Variants in TTLL8 observed in about 807,000 individuals in gnomAD.
The protein encoded by TTLL8 is protein monoglycylase TTLL8.
TTLL8 carries 65 observed loss-of-function variants against 77.8 expected under a neutral mutation model. The ratio of observed to expected loss-of-function variants is 0.84; its 90% CI spans 0.68 to 1.03. The LOEUF is 1.03. Ranked by LOEUF, TTLL8 falls within the 50% of genes least tolerant of loss-of-function variation. The pLI, the probability that TTLL8 is intolerant of heterozygous loss-of-function variation, is 0.00. For synonymous variants in TTLL8, 402 were observed against 422.8 expected (o/e 0.95, Z 0.60); for missense variants, 910 against 1,004.5 (o/e 0.91, Z 1.27).
rs1317012989 is a variant in TTLL8, at chr22:50,054,262, C to T, written c.51+314G>A. 2.6e-5 allele frequency among the ~76,000 whole-genome samples: 4 copies of T among 152,210 alleles called. 1 individual carries two copies. The South Asian group carries it at 6.2e-4, about 24-fold the overall frequency. ...CTTTCCCCAGGTCACTTGCTCTTCT[C>T]ATTCCAAGCATGGCAGACCTGGAGC... On this transcript the variant is annotated intron_variant, in intron 1 of 13. Transcript: ENST00000266182.
intron 12 of TTLL8, 156 bp downstream of exon 13, chr22:50,030,274 G>A (rs967009793): frequency 1.0e-6 from 1 of 984,532 alleles, no homozygotes; most frequent in African/African-American, 1.8e-5. Flanking sequence ...CCCGCTCCCC[G>A]GCTCCCGCCG....
chr22:50,056,963 T>A (rs1379837199), upstream of TTLL8: 1 of 1,289,448 alleles, frequency 7.8e-7, no homozygotes, highest in African/African-American at 1.5e-5. The surrounding 1 kb of genome is among the most constrained non-coding windows in gnomAD (Gnocchi z 4.1). Context: ...TGCCCTTTGC[T>A]CCTCTGACCC....
upstream of TTLL8, among the ~76,000 whole-genome samples, chr22:50,057,240 G>A (rs1249174369): frequency 2.0e-5 from 3 of 147,352 alleles, no homozygotes; most frequent in Non-Finnish European, 3.0e-5. Flanking sequence ...TCAGGTCTGG[G>A]TTGAGGGATC....
upstream of TTLL8, chr22:50,055,259 C>T: frequency 7.8e-7 from 1 of 1,289,920 alleles, no homozygotes; most frequent in Non-Finnish European, 1.0e-6. Flanking sequence ...TGTTAACTGC[C>T]TTGCTATTTT....
At chr22:50,020,404 A>T (rs369450936) in intron 12 of TTLL8, among the ~76,000 whole-genome samples, 2 of 146,508 alleles carry the variant, frequency 1.4e-5, no homozygotes, top group African/African-American at 5.1e-5. Flanking sequence ...CCTCCATCTG[A>T]CAATGTGTAC....
intron 2 of TTLL8, 75 bp from the exon 5 acceptor site, chr22:50,049,397 C>A: frequency 1.5e-6 from 2 of 1,348,504 alleles, no homozygotes; most frequent in Non-Finnish European, 2.0e-6. Flanking sequence ...GTTACCACAA[C>A]CGCAGGCAGG....
intron 3 of TTLL8, 39 bp from the exon 6 acceptor site, chr22:50,047,335 A>C: frequency 7.3e-7 from 1 of 1,361,052 alleles, no homozygotes; most frequent in Non-Finnish European, 9.8e-7. Flanking sequence ...CCAGCATTCA[A>C]GGTTCACACC....
chr22:50,020,502 C>T (rs991727227), intron 12 of TTLL8, among the ~76,000 whole-genome samples: 3 of 151,732 alleles, frequency 2.0e-5, no homozygotes, highest in Admixed American at 6.6e-5. Context: ...TGCACTCCTC[C>T]ATCTGACAAC....
upstream of TTLL8, chr22:50,057,004 A>T (rs1322380929): frequency 2.5e-5 from 32 of 1,282,794 alleles, no homozygotes; most frequent in Non-Finnish European, 3.3e-5. Context: ...GTTACAGGAA[A>T]CTGGGAGGGT....
At chr22:50,022,682 C>T (rs1006659076) in intron 12 of TTLL8, among the ~76,000 whole-genome samples, 1 of 152,242 alleles carries the variant, frequency 6.6e-6, no homozygotes, top group Non-Finnish European at 1.5e-5. Context: ...ACCCAGCATC[C>T]CCTGTCACAG....
intron 8 of TTLL8, among the ~76,000 whole-genome samples, chr22:50,038,890 A>G (rs1176439960): frequency 6.6e-6 from 1 of 152,082 alleles, no homozygotes; most frequent in Admixed American, 6.6e-5. Context: ...AGTTTCATCA[A>G]TTTTTGCATC....
At chr22:50,038,909 T>C (rs1191329487) in intron 8 of TTLL8, among the ~76,000 whole-genome samples, 1 of 152,222 alleles carries the variant, frequency 6.6e-6, no homozygotes, top group Non-Finnish European at 1.5e-5. Context: ...TCTATTGAGA[T>C]GATCTTATAC....
chr22:50,057,065 G>C, upstream of TTLL8: 2 of 914,680 alleles, frequency 2.2e-6, no homozygotes, highest in South Asian at 2.8e-5. Flanking sequence ...CTGAGGGTCA[G>C]GTCTGGGGTT....
chr22:50,029,377 C>A, intron 12 of TTLL8, among the ~76,000 whole-genome samples: 1 of 136,090 alleles, frequency 7.3e-6, no homozygotes, highest in African/African-American at 2.8e-5. Context: ...CACACACCCT[C>A]GTAAAGACCC....
chr22:50,035,225 G>C (rs2061327695), intron 8 of TTLL8, among the ~76,000 whole-genome samples: 1 of 152,144 alleles, frequency 6.6e-6, no homozygotes, highest in South Asian at 2.1e-4. Context: ...ATGACGTCCT[G>C]ACAAGGTGGC....
intron 6 of TTLL8, among the ~76,000 whole-genome samples, chr22:50,043,176 C>T (rs970370357): frequency 1.4e-5 from 2 of 138,994 alleles, no homozygotes; most frequent in African/African-American, 5.6e-5. Flanking sequence ...GTGGTGCCGA[C>T]ATGTCCTTCA....
At chr22:50,024,841 C>T (rs1156730938) in intron 12 of TTLL8, among the ~76,000 whole-genome samples, 1 of 152,206 alleles carries the variant, frequency 6.6e-6, no homozygotes, top group African/African-American at 2.4e-5. Context: ...GTTCAGAGTC[C>T]CAGCAGGTTG....
intron 12 of TTLL8, among the ~76,000 whole-genome samples, chr22:50,026,295 A>C (rs930802530): frequency 1.3e-5 from 2 of 149,032 alleles, no homozygotes; most frequent in African/African-American, 2.5e-5. Flanking sequence ...CACCCTGCAC[A>C]GCCGCCACCT....
At chr22:50,045,180 C>T (rs775039386) in intron 6 of TTLL8, 75 bp downstream of exon 8, 29 of 1,280,288 alleles carry the variant, frequency 2.3e-5, no homozygotes, top group Non-Finnish European at 2.8e-5. Context: ...CTGACCACAC[C>T]CAGGAGGCGG....
Sources: gnomAD v4.1 joint callset for allele counts (sites outside exome capture counted in the v4.1 genomes callset) on GRCh38, gnomAD v4.1.1 for gene constraint, Gnocchi (gnomAD v3.1) non-coding constraint, MANE v1.5 for transcripts, NCBI Gene and HGNC (gene_info 2026-07-23, HGNC 2026-07-21) for gene names.